CALN1: variants seen among roughly 807,000 people sequenced by gnomAD.
The protein encoded by CALN1 is calcium-binding protein 8.
Under a neutral mutation model 30.6 loss-of-function variants are expected in CALN1, and 17 were observed. That is an observed-to-expected ratio of 0.56 (90% confidence interval 0.38 to 0.83). The LOEUF is 0.83. Among genes scored for constraint, CALN1 ranks in the 40% least tolerant of loss-of-function variants. The pLI is 0.00. For synonymous variants in CALN1, 156 were observed against 131.4 expected (o/e 1.19, Z -1.28); for missense variants, 291 against 354.9 (o/e 0.82, Z 1.45).
intron 2 of CALN1, among the ~76,000 whole-genome samples, chr7:72,347,249 CT>C (rs58814221): frequency 6.7e-5 from 10 of 149,698 alleles, no homozygotes; most frequent in African/African-American, 2.5e-4. Context: ...TTTTTTTTTC[CT>C]TTTTTCTTTT....
intron 5 of CALN1, among the ~76,000 whole-genome samples, chr7:71,843,346 T>C (rs1408638742): frequency 6.6e-6 from 1 of 152,150 alleles, no homozygotes; most frequent in Non-Finnish European, 1.5e-5. Context: ...AGGCCAGGCA[T>C]GGGAGCTCAT....
chr7:71,979,664 C>T (rs1390101854), intron 5 of CALN1, among the ~76,000 whole-genome samples: 2 of 151,794 alleles, frequency 1.3e-5, no homozygotes, highest in Admixed American at 6.6e-5. Context: ...TGCTCCACGG[C>T]CGGGGGGTTG....
In CALN1 at chr7:72,106,092, G is replaced by C; in HGVS notation, c.388+59C>G. On this transcript the variant is annotated intron_variant, in intron 4 of 6. Transcript: ENST00000395275. Reference sequence around the variant, plus strand: ...AGTGCAAGGCCCTGCATAAACCGAAGGTCTCACTGATGAGACCGGGGCATG... The same window carrying C: ...AGTGCAAGGCCCTGCATAAACCGAACGTCTCACTGATGAGACCGGGGCATG... The C allele has an allele frequency of 1.9e-6, 3 of 1,580,598 alleles. No individual in the cohort carries two copies. In the Admixed American group the frequency reaches 5.3e-5, roughly 28 times the overall value.
rs895059783 is a variant in CALN1, at chr7:72,336,750, GCA to G, written c.120-57942_120-57941del. On this transcript the variant is annotated intron_variant, in intron 2 of 6. Coordinates refer to ENST00000395275, the MANE Select transcript of CALN1 (RefSeq NM_031468.4). ...GCAGCCCGGCAGCCGAGGCGCCTCCGCACAGCGCGGGGGGCTTCCTCCGAGGC... is the reference window on the plus strand; with the variant it reads ...GCAGCCCGGCAGCCGAGGCGCCTCCGCAGCGCGGGGGGCTTCCTCCGAGGC... 59 of 985,358 alleles carry G rather than the reference GCA, an allele frequency of 6.0e-5. No homozygotes were observed. The African/African-American group carries it at 8.2e-4, about 14-fold the overall frequency. 61.0% of individuals were successfully genotyped at this position (985,358 alleles called of 1,614,324 possible).
intron 2 of CALN1, among the ~76,000 whole-genome samples, chr7:72,324,234 A>C (rs996044831): frequency 1.3e-5 from 2 of 152,060 alleles, no homozygotes; most frequent in Non-Finnish European, 2.9e-5. Context: ...ATGTGCAGCA[A>C]AGTTTGAGAA....
rs191209602 is a variant in CALN1, at chr7:71,874,136, G to T, written c.502-63644C>A. ...CTAAAAATACAAAAATTAGCTGGGC[G>T]TGGTGGTGGGCACCTGTAGTACCAG... On this transcript the variant is annotated intron_variant, in intron 5 of 6. Coordinates refer to ENST00000395275, the MANE Select transcript of CALN1 (RefSeq NM_031468.4). 3.9e-5 allele frequency among the ~76,000 whole-genome samples: 6 copies of T among 152,044 alleles called. No homozygotes were observed. The East Asian group carries it at 9.7e-4, about 25-fold the overall frequency.
intron 3 of CALN1, among the ~76,000 whole-genome samples, chr7:72,135,668 T>G (rs1252220622): frequency 1.3e-5 from 2 of 152,210 alleles, no homozygotes; most frequent in Non-Finnish European, 2.9e-5. Flanking sequence ...TTACTATCAT[T>G]CTGAAGGTCC....
At chr7:72,408,111 G>C (rs911766179) in intron 1 of CALN1, among the ~76,000 whole-genome samples, 3 of 151,958 alleles carry the variant, frequency 2.0e-5, no homozygotes, top group African/African-American at 7.3e-5. Flanking sequence ...ATCAATGCCA[G>C]TTCCCTTTGG....
chr7:72,088,339 G>T (rs1278054626), intron 4 of CALN1, among the ~76,000 whole-genome samples: 5 of 152,098 alleles, frequency 3.3e-5, no homozygotes, highest in African/African-American at 7.2e-5. Context: ...GGAAAAGCAG[G>T]TTATCACAAA....
chr7:72,036,303 A>G (rs1277835222), intron 4 of CALN1, among the ~76,000 whole-genome samples: 1 of 152,144 alleles, frequency 6.6e-6, no homozygotes, highest in East Asian at 1.9e-4. Flanking sequence ...AAAGCTGATA[A>G]TGTGTCTTGC....
intron 2 of CALN1, among the ~76,000 whole-genome samples, chr7:72,283,569 G>T (rs1797876110): frequency 6.6e-6 from 1 of 152,194 alleles, no homozygotes; most frequent in Non-Finnish European, 1.5e-5. Flanking sequence ...ACTGTACTTA[G>T]CACCAGGCAT....
At chr7:72,463,635 C>T in the CALN1 span, among the ~76,000 whole-genome samples, 2 of 152,320 alleles carry the variant, frequency 1.3e-5, no homozygotes, top group South Asian at 4.1e-4. Context: ...TCACAGCCCA[C>T]TGCAACTTCA....
intron 4 of CALN1, among the ~76,000 whole-genome samples, chr7:72,083,200 C>CA (rs993174359): frequency 6.6e-6 from 1 of 151,500 alleles, no homozygotes; most frequent in African/African-American, 2.4e-5. Flanking sequence ...GACTCTGTCT[C>CA]AAAAAAAGAT....
chr7:72,474,957 G>A, the CALN1 span, among the ~76,000 whole-genome samples: 2 of 152,044 alleles, frequency 1.3e-5, no homozygotes, highest in Non-Finnish European at 2.9e-5. Flanking sequence ...TGCTTACTTC[G>A]TGACATGTCC....
At chr7:72,346,208 T>C (rs1034805516) in intron 2 of CALN1, among the ~76,000 whole-genome samples, 1 of 152,302 alleles carries the variant, frequency 6.6e-6, no homozygotes, top group African/African-American at 2.4e-5. Context: ...AAATAGAATT[T>C]AAAAATAAAC....
intron 5 of CALN1, among the ~76,000 whole-genome samples, chr7:71,986,464 C>A (rs374272566): frequency 6.6e-6 from 1 of 152,208 alleles, no homozygotes; most frequent in South Asian, 2.1e-4. Flanking sequence ...ATTCTCAACA[C>A]GCACAGTGTG....
chr7:72,406,569 T>C (rs1201906420), intron 1 of CALN1, among the ~76,000 whole-genome samples: 1 of 152,018 alleles, frequency 6.6e-6, no homozygotes, highest in East Asian at 1.9e-4. Flanking sequence ...GTCTTGAAGT[T>C]AGATCTCTGG....
At chr7:71,969,220 G>T (rs1193663470) in intron 5 of CALN1, among the ~76,000 whole-genome samples, 1 of 151,088 alleles carries the variant, frequency 6.6e-6, no homozygotes, top group Non-Finnish European at 1.5e-5. Flanking sequence ...TTTATCTTTT[G>T]CAGCCTGTGA....
intron 3 of CALN1, among the ~76,000 whole-genome samples, chr7:72,109,292 G>A (rs1013442176): frequency 2.6e-4 from 40 of 152,160 alleles, no homozygotes; most frequent in Admixed American, 1.3e-3. Flanking sequence ...TAGCTAATTA[G>A]GTCCACGGCC....
Sources: gnomAD v4.1 joint callset for allele counts (sites outside exome capture counted in the v4.1 genomes callset) on GRCh38, gnomAD v4.1.1 for gene constraint, MANE v1.5 for transcripts, NCBI Gene and HGNC (gene_info 2026-07-23, HGNC 2026-07-21) for gene names.